GBF1: variants seen among roughly 807,000 people sequenced by gnomAD.
The protein encoded by GBF1 is golgi brefeldin A resistant guanine nucleotide exchange factor 1, also known as Golgi-specific brefeldin A-resistance guanine nucleotide exchange factor 1.
In GBF1, 114 loss-of-function variants were observed where a neutral mutation model predicts 210.5. The ratio of observed to expected loss-of-function variants is 0.54; its 90% CI spans 0.47 to 0.63. The LOEUF (loss-of-function observed/expected upper bound fraction) is 0.63. GBF1 is among the 30% of genes least tolerant of loss of function. The pLI is 0.00. For synonymous variants in GBF1, 850 were observed against 889.2 expected, an observed-to-expected ratio of 0.96 and a Z score of 0.78; for missense variants, 1,851 against 2,357.7, an observed-to-expected ratio of 0.79 and a Z score of 4.45.
chr10:102,239,463 G>GA, the GBF1 span, among the ~76,000 whole-genome samples: 1 of 152,198 alleles, frequency 6.6e-6, no homozygotes, highest in African/African-American at 2.4e-5. Context: ...ACAAGCCCCT[G>GA]AAAAGTGTAT....
At chr10:102,274,522 C>T (rs2133346557) in intron 3 of GBF1, among the ~76,000 whole-genome samples, 1 of 151,966 alleles carries the variant, frequency 6.6e-6, no homozygotes, top group Non-Finnish European at 1.5e-5. Context: ...TCAGTCTGTG[C>T]ATCACAGACT....
chr10:102,277,300 G>A (rs1004049620), intron 3 of GBF1, among the ~76,000 whole-genome samples: 2 of 151,990 alleles, frequency 1.3e-5, no homozygotes, highest in African/African-American at 4.8e-5. Context: ...TCCACCATGG[G>A]TGACAGAGTT....
Position 102,369,774 on chromosome 10 carries a change from C to A in GBF1, c.3214C>A (p.Arg1072=). The A allele has an allele frequency of 6.2e-7, 1 of 1,614,066 alleles. No individual in the cohort carries two copies. Among genetic ancestry groups the A allele is most frequent in the East Asian group, 2.2e-5 (1 of 44,884 alleles). The change falls in exon 25 of 40, where the codon CGA becomes AGA. Residue 1072 remains arginine, a splice_region_variant and synonymous_variant. Transcript: ENST00000369983. ...SLQREETPSN[R]GESTVLSFVS... Reference sequence around the variant, plus strand: ...ACAGCGGGAAGAGACACCATCAAACCGGTAAGAGCAGACCAGAGGCTCAGG... The same window carrying A: ...ACAGCGGGAAGAGACACCATCAAACAGGTAAGAGCAGACCAGAGGCTCAGG...
intron 3 of GBF1, among the ~76,000 whole-genome samples, chr10:102,304,602 A>T (rs1225984402): frequency 6.6e-6 from 1 of 151,516 alleles, no homozygotes; most frequent in Non-Finnish European, 1.5e-5. Flanking sequence ...GTGAAACCCC[A>T]TCTCTACTAA....
chr10:102,378,597 C>T (rs2060650295), intron 33 of GBF1, among the ~76,000 whole-genome samples: 1 of 151,988 alleles, frequency 6.6e-6, no homozygotes, highest in Non-Finnish European at 1.5e-5. Context: ...ATGATGGTGC[C>T]ATGCACTCCA....
intron 3 of GBF1, among the ~76,000 whole-genome samples, chr10:102,296,748 A>T (rs2076940860): frequency 6.6e-6 from 1 of 150,864 alleles, no homozygotes; most frequent in African/African-American, 2.4e-5. Context: ...CTCAAAAAAA[A>T]AAAAAAGAAT....
intron 3 of GBF1, among the ~76,000 whole-genome samples, chr10:102,277,480 C>A (rs914067516): frequency 4.0e-5 from 6 of 151,538 alleles, no homozygotes; most frequent in Non-Finnish European, 8.8e-5. Flanking sequence ...CGGGTTCAAC[C>A]GATTCTCCCT....
intron 3 of GBF1, among the ~76,000 whole-genome samples, chr10:102,266,597 G>A (rs1291879514): frequency 6.6e-6 from 1 of 152,230 alleles, no homozygotes; most frequent in Non-Finnish European, 1.5e-5. Flanking sequence ...ATGACCATGA[G>A]TGAGAGCAAT....
chr10:102,338,734 G>T (rs1246858607), intron 3 of GBF1, among the ~76,000 whole-genome samples: 1 of 151,874 alleles, frequency 6.6e-6, no homozygotes. Context: ...ATTACCTGAG[G>T]TTGGGAGTTT....
chr10:102,260,228 G>C (rs1253237818), intron 3 of GBF1, 112 bp downstream of exon 3: 1 of 593,548 alleles, frequency 1.7e-6, no homozygotes, highest in Non-Finnish European at 3.0e-6. Context: ...AATAATTTAG[G>C]CTTTGTGGGC....
the GBF1 span, chr10:102,230,969 A>T: frequency 6.2e-7 from 1 of 1,607,680 alleles, no homozygotes; most frequent in East Asian, 2.2e-5. Flanking sequence ...TTGCCGTACG[A>T]GTAGCCGGGG....
At chr10:102,359,110 C>T in intron 10 of GBF1, 157 bp from the exon 11 acceptor site, 1 of 636,580 alleles carries the variant, frequency 1.6e-6, no homozygotes, top group East Asian at 2.7e-5. Flanking sequence ...CATCATACTC[C>T]TACCTGAGCC....
At position 102,339,863 on chromosome 10, in the gene GBF1, T is replaced by C. The variant is rs530999329; in HGVS notation, c.164-4188T>C. Among the ~76,000 whole-genome samples, 273 of 152,092 alleles carry C rather than the reference T, an allele frequency of 1.8e-3. 1 individual carries two copies. The highest frequency in any genetic ancestry group is 5.9e-3 in the African/African-American group (245 of 41,488). ...GTGCAGTGGTATGATCACAGTTCAC[T>C]GCAGCCTCAGCCTCCCAGGCTCAAG... On this transcript the variant is annotated intron_variant, in intron 3 of 39. Transcript: ENST00000369983.
intron 3 of GBF1, among the ~76,000 whole-genome samples, chr10:102,290,533 C>G (rs1409345551): frequency 6.6e-6 from 1 of 152,020 alleles, no homozygotes; most frequent in Admixed American, 6.6e-5. Flanking sequence ...GACAGGGTCT[C>G]TGTCGCCCAG....
chr10:102,257,970 A>G (rs2072642212), intron 1 of GBF1, among the ~76,000 whole-genome samples: 2 of 152,090 alleles, frequency 1.3e-5, no homozygotes, highest in African/African-American at 4.8e-5. Context: ...TTTGGGAACA[A>G]TTGACTTTGA....
At chr10:102,246,476 A>G (rs1026450506) in intron 1 of GBF1, among the ~76,000 whole-genome samples, 15 of 152,138 alleles carry the variant, frequency 9.9e-5, no homozygotes, top group African/African-American at 2.7e-4. Flanking sequence ...TTTTGTTGAC[A>G]TTTTTCTCTC....
intron 3 of GBF1, among the ~76,000 whole-genome samples, chr10:102,328,973 G>A (rs897430080): frequency 6.6e-6 from 1 of 152,158 alleles, no homozygotes; most frequent in Non-Finnish European, 1.5e-5. Flanking sequence ...CTGTTGTCAA[G>A]TATACCAACA....
chr10:102,366,363 C>T lies in GBF1; in HGVS notation c.2310-20C>T, dbSNP rs766566338. The T allele has an allele frequency of 3.1e-6, 5 of 1,613,622 alleles. No homozygotes were observed. The highest frequency in any genetic ancestry group is 1.3e-5 in the African/African-American group (1 of 74,918). ...GCAGCTTACACATTTTCAGCCTCTT[C>T]TTCCTTTCTTTCCCTATAGCACCTT... On this transcript the variant is annotated intron_variant, in intron 18 of 39. Transcript: ENST00000369983. The surrounding 1 kb of genome is among the most constrained non-coding windows in gnomAD (Gnocchi z 4.0).
intron 1 of GBF1, among the ~76,000 whole-genome samples, chr10:102,250,879 C>T (rs2071431006): frequency 6.6e-6 from 1 of 152,014 alleles, no homozygotes; most frequent in Non-Finnish European, 1.5e-5. Flanking sequence ...ATCACTTGAA[C>T]CCTGGAGGTG....
Sources: gnomAD v4.1 joint callset for allele counts (sites outside exome capture counted in the v4.1 genomes callset) on GRCh38, gnomAD v4.1.1 for gene constraint, Gnocchi (gnomAD v3.1) non-coding constraint, MANE v1.5 for transcripts, NCBI Gene and HGNC (gene_info 2026-07-23, HGNC 2026-07-21) for gene names.